The following ROBO1 variants were observed in gnomAD, a reference collection of about 807,000 sequenced individuals.
The protein encoded by ROBO1 is roundabout guidance receptor 1, also known as roundabout homolog 1.
Under a neutral mutation model 195.9 loss-of-function variants are expected in ROBO1, and 149 were observed. The observed-to-expected ratio is 0.76, with a 90% CI of 0.67 to 0.87. The LOEUF is 0.87. Among genes scored for constraint, ROBO1 ranks in the 40% least tolerant of loss-of-function variants. The pLI is 0.00. For missense variants in ROBO1, 1,933 were observed against 2,068.3 expected (o/e 0.93, Z 1.27); for synonymous variants, 816 against 733.2 (o/e 1.11, Z -1.82).
chr3:79,228,560 A>G (rs1264804468), intron 2 of ROBO1, among the ~76,000 whole-genome samples: 1 of 152,144 alleles, frequency 6.6e-6, no homozygotes, highest in Non-Finnish European at 1.5e-5. Context: ...ATTTTTAAAA[A>G]ACCTGTTTAT....
At chr3:79,492,241 G>A (rs570997514) in intron 2 of ROBO1, among the ~76,000 whole-genome samples, 18 of 152,004 alleles carry the variant, frequency 1.2e-4, no homozygotes, top group African/African-American at 4.1e-4. Context: ...CCTGATCAAC[G>A]TGGTGAAACC....
At chr3:79,636,130 T>A (rs1373041664) in intron 1 of ROBO1, among the ~76,000 whole-genome samples, 1 of 152,080 alleles carries the variant, frequency 6.6e-6, no homozygotes, top group East Asian at 1.9e-4. Flanking sequence ...TATAATTAAG[T>A]GTGGGGGAGA....
At chr3:78,790,152 T>A (rs887526936) in intron 4 of ROBO1, among the ~76,000 whole-genome samples, 2 of 152,116 alleles carry the variant, frequency 1.3e-5, no homozygotes, top group Non-Finnish European at 2.9e-5. Flanking sequence ...GTTTTCTAAC[T>A]TTCTTGTTCT....
chr3:79,220,121 T>C (rs2082112260), intron 2 of ROBO1, among the ~76,000 whole-genome samples: 1 of 152,108 alleles, frequency 6.6e-6, no homozygotes, highest in East Asian at 1.9e-4. Flanking sequence ...TATGCTTTTC[T>C]CTTAGAGAAA....
intron 1 of ROBO1, among the ~76,000 whole-genome samples, chr3:79,634,092 G>A (rs1484754049): frequency 6.6e-6 from 1 of 152,178 alleles, no homozygotes; most frequent in Non-Finnish European, 1.5e-5. Flanking sequence ...TAGGCCTGGG[G>A]AGAGAGAAGG....
chr3:78,865,173 A>C (rs2035092237), intron 4 of ROBO1, among the ~76,000 whole-genome samples: 1 of 152,200 alleles, frequency 6.6e-6, no homozygotes, highest in Non-Finnish European at 1.5e-5. Flanking sequence ...GTACTCAACC[A>C]CAGATCCCTT....
chr3:79,035,465 A>G (rs1164876365), intron 3 of ROBO1, among the ~76,000 whole-genome samples: 1 of 152,172 alleles, frequency 6.6e-6, no homozygotes, highest in African/African-American at 2.4e-5. Context: ...CATGCCTGCA[A>G]TCCCGGCACT....
chr3:79,085,563 A>G (rs2079352312), intron 3 of ROBO1, among the ~76,000 whole-genome samples: 1 of 152,080 alleles, frequency 6.6e-6, no homozygotes, highest in African/African-American at 2.4e-5. Context: ...AACAGGGAGG[A>G]GCTCCTGATA....
chr3:79,428,488 C>T (rs1207818743), intron 2 of ROBO1, among the ~76,000 whole-genome samples: 1 of 152,004 alleles, frequency 6.6e-6, no homozygotes, highest in Non-Finnish European at 1.5e-5. Flanking sequence ...TGTTATCATC[C>T]TCATTATTAT....
intron 8 of ROBO1, among the ~76,000 whole-genome samples, chr3:78,708,600 G>A (rs1301144405): frequency 6.6e-6 from 1 of 152,122 alleles, no homozygotes. Flanking sequence ...TTTAGATTAA[G>A]ATAGCAAAAT....
intron 3 of ROBO1, among the ~76,000 whole-genome samples, chr3:79,122,438 A>G (rs1380352976): frequency 1.3e-5 from 2 of 152,058 alleles, no homozygotes; most frequent in South Asian, 2.1e-4. Context: ...AAAAGGAATC[A>G]ATATGTTTCT....
At chr3:79,479,014 A>G (rs1209901636) in intron 2 of ROBO1, among the ~76,000 whole-genome samples, 1 of 152,246 alleles carries the variant, frequency 6.6e-6, no homozygotes, top group Non-Finnish European at 1.5e-5. Context: ...CTAGAGGTAC[A>G]TCAGGAAAGA....
chr3:79,254,202 A>G (rs1240838481), intron 2 of ROBO1, among the ~76,000 whole-genome samples: 1 of 152,234 alleles, frequency 6.6e-6, no homozygotes, highest in Non-Finnish European at 1.5e-5. Flanking sequence ...CACAGGATAT[A>G]AGATAAATAA....
intron 4 of ROBO1, among the ~76,000 whole-genome samples, chr3:78,839,730 A>T (rs1235541684): frequency 1.3e-5 from 2 of 152,250 alleles, no homozygotes; most frequent in East Asian, 3.9e-4. Flanking sequence ...CTATGTAAGG[A>T]TATGAAAACC....
At chr3:78,896,466 T>G (rs1332326460) in intron 4 of ROBO1, among the ~76,000 whole-genome samples, 1 of 151,720 alleles carries the variant, frequency 6.6e-6, no homozygotes, top group African/African-American at 2.4e-5. Context: ...CTTAAGAAGA[T>G]TATTTGTAAC....
chr3:79,047,949 T>C (rs774969196), intron 3 of ROBO1, among the ~76,000 whole-genome samples: 2 of 152,124 alleles, frequency 1.3e-5, no homozygotes, highest in Non-Finnish European at 2.9e-5. Context: ...TATAGGCATA[T>C]ATACTTTGAC....
intron 3 of ROBO1, among the ~76,000 whole-genome samples, chr3:79,122,051 C>T (rs1161569619): frequency 2.0e-5 from 3 of 151,880 alleles, no homozygotes; most frequent in Non-Finnish European, 4.4e-5. Flanking sequence ...TTGTGAAACA[C>T]TATATGCACT....
At chr3:79,368,624 C>T (rs2036064118) in intron 2 of ROBO1, among the ~76,000 whole-genome samples, 1 of 152,136 alleles carries the variant, frequency 6.6e-6, no homozygotes, top group Non-Finnish European at 1.5e-5. Context: ...GGAACTTGTT[C>T]TGTTGCTACA....
At chr3:79,599,792 G>A (rs918533883) in intron 1 of ROBO1, among the ~76,000 whole-genome samples, 2 of 151,876 alleles carry the variant, frequency 1.3e-5, no homozygotes, top group African/African-American at 4.8e-5. Flanking sequence ...TTTCTGACTT[G>A]CTTAAAAAAT....
Sources: allele counts gnomAD v4.1 joint callset (sites outside exome capture counted in the v4.1 genomes callset), GRCh38; gene constraint gnomAD v4.1.1; transcripts MANE v1.5; gene names NCBI Gene and HGNC (gene_info 2026-07-23, HGNC 2026-07-21).